The following DAAM1 variants were observed in gnomAD, a reference collection of about 807,000 sequenced individuals.
DAAM1 encodes the protein dishevelled associated activator of morphogenesis 1.
Under a neutral mutation model 130.0 loss-of-function variants are expected in DAAM1, and 52 were observed. That is an observed-to-expected ratio of 0.40 (90% CI 0.32 to 0.50). DAAM1 has a LOEUF of 0.50. DAAM1 is among the 20% of genes least tolerant of loss of function. The pLI is 0.61. For synonymous variants in DAAM1, 452 were observed against 444.5 expected, an observed-to-expected ratio of 1.02 and a Z score of -0.21; for missense variants, 1,134 against 1,303.8, an observed-to-expected ratio of 0.87 and a Z score of 2.01.
intron 1 of DAAM1, among the ~76,000 whole-genome samples, chr14:59,191,690 C>A (rs1887734811): frequency 6.6e-6 from 1 of 152,160 alleles, no homozygotes; most frequent in Non-Finnish European, 1.5e-5. Flanking sequence ...TTTCTTATTA[C>A]CCCTGAACCA....
intron 17 of DAAM1, among the ~76,000 whole-genome samples, chr14:59,349,840 A>C (rs1341753755): frequency 6.6e-6 from 1 of 152,148 alleles, no homozygotes; most frequent in Non-Finnish European, 1.5e-5. Flanking sequence ...CCTACTGTGC[A>C]CTTTTAGGTA....
chr14:59,362,735 G>A (rs1467743705), intron 22 of DAAM1: 2 of 152,056 alleles, frequency 1.3e-5, no homozygotes, highest in Admixed American at 1.3e-4. Context: ...GATAAACTGT[G>A]ATGACTACGC....
In DAAM1 at chr14:59,360,874, TTTG is replaced by T. The variant is rs141109296; in HGVS notation, c.2694+21_2694+23del. The T allele has an allele frequency of 6.2e-3, 10,079 of 1,613,104 alleles. 479 individuals are homozygous for T. In the African/African-American group the frequency reaches 0.11, roughly 17 times the overall value. Reference sequence around the variant, plus strand: ...AAGCAGTAGAGACAGTGAGTATTTTTTTGTTGTTGTTCTAATTCCTGGTCTCTT... The same window carrying T: ...AAGCAGTAGAGACAGTGAGTATTTTTTTGTTGTTCTAATTCCTGGTCTCTT... On this transcript the variant is annotated intron_variant, in intron 22 of 24. Transcript: ENST00000360909.
intron 1 of DAAM1, among the ~76,000 whole-genome samples, chr14:59,204,096 C>G (rs898380642): frequency 1.3e-5 from 2 of 152,182 alleles, no homozygotes; most frequent in African/African-American, 4.8e-5. Context: ...TTATAAAATG[C>G]TTATGAAGGT....
chr14:59,320,597 T>G lies in DAAM1; in HGVS notation c.440+13T>G. ...CAAAACCAATGAGGTAATTTTCCCC[T>G]GGATGGCATGTTTTTTTTTTTTCTC... On this transcript the variant is annotated intron_variant, in intron 5 of 24. Coordinates refer to ENST00000360909, the MANE Select transcript of DAAM1 (RefSeq NM_001270520.2). The G allele has an allele frequency of 6.6e-7, 1 of 1,523,348 alleles. No individual in the cohort carries two copies. Among genetic ancestry groups the G allele is most frequent in the Non-Finnish European group, 8.7e-7 (1 of 1,142,884 alleles). The allele number at this position is 1,523,348 out of a possible 1,614,324, so 94.4% of individuals were successfully genotyped here. A position where few individuals can be genotyped will look rare whatever the true frequency, so the allele number is the denominator to read the frequency against.
intron 3 of DAAM1, among the ~76,000 whole-genome samples, chr14:59,313,865 C>A (rs1435227082): frequency 6.6e-6 from 1 of 152,220 alleles, no homozygotes; most frequent in Admixed American, 6.5e-5. Flanking sequence ...GTAATCCAGT[C>A]TAACTTCAAA....
intron 4 of DAAM1, among the ~76,000 whole-genome samples, chr14:59,319,311 A>T (rs537079621): frequency 2.6e-5 from 4 of 152,194 alleles, no homozygotes; most frequent in Non-Finnish European, 4.4e-5. Flanking sequence ...CTGATGTATT[A>T]TATTTATTTT....
intron 1 of DAAM1, among the ~76,000 whole-genome samples, chr14:59,201,252 G>A (rs529000027): frequency 5.5e-4 from 83 of 152,126 alleles, no homozygotes; most frequent in African/African-American, 1.9e-3. Context: ...TCTTGGGTTC[G>A]GGAAATGTAG....
In DAAM1 at chr14:59,284,021, A is replaced by C. The variant is rs188696070; in HGVS notation, c.184-7196A>C. Reference sequence around the variant, plus strand: ...ACACCTGGGAACTTACTGAAAATGCAGTGTCGTGTACCTTTTCCTCCCTGT... The same window carrying C: ...ACACCTGGGAACTTACTGAAAATGCCGTGTCGTGTACCTTTTCCTCCCTGT... On this transcript the variant is annotated intron_variant, in intron 2 of 24. Coordinates refer to ENST00000360909, the MANE Select transcript of DAAM1 (RefSeq NM_001270520.2). Among the ~76,000 whole-genome samples, 313 of 152,284 alleles carry C rather than the reference A, an allele frequency of 2.1e-3. 1 individual carries two copies. Among genetic ancestry groups the C allele is most frequent in the African/African-American group, 7.0e-3 (293 of 41,568 alleles).
intron 1 of DAAM1, among the ~76,000 whole-genome samples, 182 bp downstream of exon 1, chr14:59,188,950 G>A (rs890302764): frequency 8.5e-5 from 13 of 152,340 alleles, no homozygotes; most frequent in African/African-American, 3.1e-4. Flanking sequence ...TTGGGTCTGG[G>A]TGGGAACGGG....
At chr14:59,230,833 A>G (rs138599341) in intron 1 of DAAM1, among the ~76,000 whole-genome samples, 37 of 152,322 alleles carry the variant, frequency 2.4e-4, no homozygotes, top group Middle Eastern at 6.8e-3. Context: ...GTATCAAAAC[A>G]TCTAATGCAC....
chr14:59,357,945 AG>A (rs1343182061), intron 20 of DAAM1, among the ~76,000 whole-genome samples: 2 of 152,240 alleles, frequency 1.3e-5, no homozygotes, highest in Admixed American at 6.5e-5. Flanking sequence ...ATGAAATGCA[AG>A]GGTAAAGAAA....
chr14:59,324,638 A>G (rs1212650497), intron 8 of DAAM1, among the ~76,000 whole-genome samples, 184 bp downstream of exon 8: 1 of 152,260 alleles, frequency 6.6e-6, no homozygotes, highest in Non-Finnish European at 1.5e-5. Context: ...GAAGCAGCAC[A>G]TTATGTAGAG....
intron 3 of DAAM1, among the ~76,000 whole-genome samples, chr14:59,294,275 G>A (rs148474305): frequency 3.3e-5 from 5 of 152,316 alleles, no homozygotes; most frequent in Admixed American, 6.5e-5. Context: ...GTCCAACAGC[G>A]ACTTGAGTCC....
At chr14:59,291,345 A>G (rs771178159) in intron 3 of DAAM1, 39 bp downstream of exon 3, 14 of 1,482,862 alleles carry the variant, frequency 9.4e-6, no homozygotes, top group Middle Eastern at 1.7e-4. Context: ...CTGGAAAATA[A>G]TCATTGATTC....
chr14:59,315,313 C>A lies in DAAM1; in HGVS notation c.307C>A (p.Pro103Thr). 1 of 1,613,972 alleles carries A rather than the reference C, an allele frequency of 6.2e-7. No individual in the cohort carries two copies. Among genetic ancestry groups the A allele is most frequent in the South Asian group, 1.1e-5 (1 of 91,068 alleles). Residue 103 changes from proline (P) to threonine (T), a missense_variant, in exon 4 of 25, where the codon CCT becomes ACT. Physicochemically the swap from Pro to Thr is conservative, Grantham distance 38. Coordinates refer to ENST00000360909, the MANE Select transcript of DAAM1 (RefSeq NM_001270520.2). Reference protein sequence around the residue: ...QEENKGATSWPEFYIDQLNSM... With the variant: ...QEENKGATSWTEFYIDQLNSM... Reference sequence around the variant, plus strand: ...AGAAAACAAGGGAGCTACAAGTTGGCCTGAATTCTACATTGATCAGCTCAA... The same window carrying A: ...AGAAAACAAGGGAGCTACAAGTTGGACTGAATTCTACATTGATCAGCTCAA...
In DAAM1 at chr14:59,251,432, C is replaced by T. The variant is rs560109974; in HGVS notation, c.-37-12009C>T. Among the ~76,000 whole-genome samples the T allele has an allele frequency of 2.3e-3, 329 of 142,214 alleles. 1 individual carries two copies. Among genetic ancestry groups the T allele is most frequent in the African/African-American group, 7.6e-3 (308 of 40,478 alleles). 93.3% of individuals were successfully genotyped at this position (142,214 alleles called of 152,430 possible). A position where few individuals can be genotyped will look rare whatever the true frequency, so the allele number is the denominator to read the frequency against. On this transcript the variant is annotated intron_variant, in intron 1 of 24. Transcript: ENST00000360909. ...TTCCCTCAGTCATCTTTCACTCCGC[C>T]GTGTTTTTTTTTTTTTTTCCTTTAA...
chr14:59,257,278 A>G lies in DAAM1; in HGVS notation c.-37-6163A>G, dbSNP rs575413703. On this transcript the variant is annotated intron_variant, in intron 1 of 24. Transcript: ENST00000360909. The stretch of plus-strand genomic sequence containing the variant: ...TTCACTTAGGAATTTATACTTTTGC[A>G]TTCAACAAACATTTGTTGAGAATAT... 2.6e-5 allele frequency among the ~76,000 whole-genome samples: 4 copies of G among 152,266 alleles called. No individual in the cohort carries two copies. The South Asian group carries it at 8.3e-4, about 32-fold the overall frequency.
Position 59,287,686 on chromosome 14 carries a change from A to G in DAAM1, c.184-3531A>G, listed in dbSNP as rs554156440. On this transcript the variant is annotated intron_variant, in intron 2 of 24. Coordinates refer to ENST00000360909, the MANE Select transcript of DAAM1 (RefSeq NM_001270520.2). ...CAAAATTCCACTTACAATAGCTTCAAAAAGAATAAAATACCTAGGAATATG... is the reference window on the plus strand; with the variant it reads ...CAAAATTCCACTTACAATAGCTTCAGAAAGAATAAAATACCTAGGAATATG... Among the ~76,000 whole-genome samples, 40 of 152,304 alleles carry G rather than the reference A, an allele frequency of 2.6e-4. 1 individual carries two copies. The highest frequency in any genetic ancestry group is 5.1e-4 in the African/African-American group (21 of 41,564).
Sources: gnomAD v4.1 joint callset for allele counts (sites outside exome capture counted in the v4.1 genomes callset) on GRCh38, gnomAD v4.1.1 for gene constraint, MANE v1.5 for transcripts, NCBI Gene and HGNC (gene_info 2026-07-23, HGNC 2026-07-21) for gene names.